The following CHST11 variants were observed in gnomAD, a reference collection of about 807,000 sequenced individuals.
CHST11 encodes the protein carbohydrate sulfotransferase 11.
A neutral mutation model predicts 30.4 loss-of-function variants in CHST11; 9 were observed. That is an observed-to-expected ratio of 0.30 (90% CI 0.18 to 0.52). CHST11 has a LOEUF of 0.52. CHST11 is among the 20% of genes least tolerant of loss of function. The pLI, the probability that CHST11 is intolerant of heterozygous loss-of-function variation, is 0.97. For missense variants in CHST11, 348 were observed against 460.6 expected, an observed-to-expected ratio of 0.76 and a Z score of 2.24; for synonymous variants, 152 against 187.8, an observed-to-expected ratio of 0.81 and a Z score of 1.56.
At chr12:104,519,662 A>AAG (rs1217426840) in intron 1 of CHST11, among the ~76,000 whole-genome samples, 6 of 152,198 alleles carry the variant, frequency 3.9e-5, no homozygotes, top group African/African-American at 1.4e-4. Flanking sequence ...GCCGGTTATT[A>AAG]TGGCCCTGCT....
intron 2 of CHST11, among the ~76,000 whole-genome samples, chr12:104,694,030 C>CT (rs1304021462): frequency 6.6e-6 from 1 of 152,160 alleles, no homozygotes; most frequent in Non-Finnish European, 1.5e-5. Context: ...GAAAATTATT[C>CT]TTAGCTCCAG....
At chr12:104,503,495 T>G (rs1460753893) in intron 1 of CHST11, among the ~76,000 whole-genome samples, 1 of 152,204 alleles carries the variant, frequency 6.6e-6, no homozygotes, top group Non-Finnish European at 1.5e-5. Flanking sequence ...GTGTGCATGT[T>G]TAGGAATAAA....
chr12:104,557,920 T>C (rs11112100), intron 1 of CHST11, among the ~76,000 whole-genome samples: 20,657 of 151,124 alleles, frequency 0.14, 1,483 homozygotes, highest in African/African-American at 0.16. Context: ...GAAGGAAGTA[T>C]AGAGGCAGGA....
chr12:104,462,680 A>G (rs766035162), intron 1 of CHST11, among the ~76,000 whole-genome samples: 5 of 152,234 alleles, frequency 3.3e-5, no homozygotes, highest in Non-Finnish European at 7.3e-5. Flanking sequence ...GAGGGTCTCA[A>G]ATATGAGACT....
chr12:104,721,316 A>G lies in CHST11; in HGVS notation c.205-35633A>G, dbSNP rs550584374. Among the ~76,000 whole-genome samples, 15 of 152,286 alleles carry G rather than the reference A, an allele frequency of 9.8e-5. No homozygotes were observed. In the South Asian group the frequency reaches 3.1e-3, roughly 32 times the overall value. ...CACAGATACAGACACACACAGCCAC[A>G]CACACACCAGAGCTACCTCAGAATG... On this transcript the variant is annotated intron_variant, in intron 2 of 2. Transcript: ENST00000303694.
At chr12:104,659,651 G>A (rs2039579323) in intron 2 of CHST11, among the ~76,000 whole-genome samples, 1 of 152,080 alleles carries the variant, frequency 6.6e-6, no homozygotes, top group Non-Finnish European at 1.5e-5. Flanking sequence ...GGTATGTTGG[G>A]TTAAATAAAG....
chr12:104,632,220 GTGA>G (rs1403202695), intron 2 of CHST11, among the ~76,000 whole-genome samples: 1 of 152,034 alleles, frequency 6.6e-6, no homozygotes, highest in African/African-American at 2.4e-5. Flanking sequence ...AGAATTGGGG[GTGA>G]TGATATGGGG....
At chr12:104,750,951 T>C (rs540428968) in intron 2 of CHST11, among the ~76,000 whole-genome samples, 1 of 152,224 alleles carries the variant, frequency 6.6e-6, no homozygotes, top group Admixed American at 6.5e-5. Context: ...AGCATTCTCT[T>C]GACCCCTACC....
chr12:104,644,883 C>G (rs1241630035), intron 2 of CHST11, among the ~76,000 whole-genome samples: 1 of 152,256 alleles, frequency 6.6e-6, no homozygotes, highest in South Asian at 2.1e-4. Context: ...TGTGCTGGAA[C>G]AGGCCCATGG....
chr12:104,559,657 C>T (rs1169566328), intron 1 of CHST11, among the ~76,000 whole-genome samples: 3 of 152,240 alleles, frequency 2.0e-5, no homozygotes, highest in Non-Finnish European at 2.9e-5. Context: ...GTGGGAGAAT[C>T]GCTTGAACCT....
intron 2 of CHST11, among the ~76,000 whole-genome samples, chr12:104,752,461 A>G (rs563653565): frequency 1.4e-4 from 22 of 152,172 alleles, no homozygotes; most frequent in Admixed American, 2.6e-4. Context: ...CAGCTCTATG[A>G]AAGAACTTTA....
chr12:104,586,269 A>G (rs1331032314), intron 1 of CHST11, among the ~76,000 whole-genome samples: 1 of 152,210 alleles, frequency 6.6e-6, no homozygotes, highest in Non-Finnish European at 1.5e-5. Context: ...GGGTAGGCTC[A>G]GGGTTTGCCC....
At chr12:104,590,973 G>A (rs1226070237) in intron 1 of CHST11, among the ~76,000 whole-genome samples, 1 of 151,764 alleles carries the variant, frequency 6.6e-6, no homozygotes, top group Non-Finnish European at 1.5e-5. Context: ...GAGAGAGGAA[G>A]TGAGGCCATG....
intron 2 of CHST11, among the ~76,000 whole-genome samples, chr12:104,747,471 T>G (rs1009271337): frequency 6.6e-6 from 1 of 152,200 alleles, no homozygotes; most frequent in East Asian, 1.9e-4. Flanking sequence ...TGTGACCCTT[T>G]TTTTGCTGTG....
intron 1 of CHST11, among the ~76,000 whole-genome samples, chr12:104,466,001 A>G (rs1307661323): frequency 6.6e-6 from 1 of 151,922 alleles, no homozygotes; most frequent in Non-Finnish European, 1.5e-5. Flanking sequence ...CTGGGATTAC[A>G]GGTGCCCGCC....
At chr12:104,483,167 C>T (rs969078828) in intron 1 of CHST11, among the ~76,000 whole-genome samples, 1 of 152,160 alleles carries the variant, frequency 6.6e-6, no homozygotes. Flanking sequence ...CATCCCAGTT[C>T]CTGAAGGCAG....
At chr12:104,673,511 A>G (rs938667002) in intron 2 of CHST11, among the ~76,000 whole-genome samples, 2 of 152,200 alleles carry the variant, frequency 1.3e-5, no homozygotes, top group Non-Finnish European at 2.9e-5. Flanking sequence ...GTACCTACCC[A>G]TAGGTTTGTT....
intron 2 of CHST11, among the ~76,000 whole-genome samples, chr12:104,626,787 G>C (rs1021080043): frequency 6.6e-6 from 1 of 151,588 alleles, no homozygotes; most frequent in Non-Finnish European, 1.5e-5. Flanking sequence ...AGACATGCAC[G>C]GCCTCCCCCG....
chr12:104,706,016 T>G (rs1592849724), intron 2 of CHST11, among the ~76,000 whole-genome samples: 2 of 151,284 alleles, frequency 1.3e-5, no homozygotes, highest in Non-Finnish European at 3.0e-5. Context: ...AGTGCAGAAG[T>G]TTGAGGTTGC....
Sources: gnomAD v4.1 joint callset for allele counts (sites outside exome capture counted in the v4.1 genomes callset) on GRCh38, gnomAD v4.1.1 for gene constraint, MANE v1.5 for transcripts, NCBI Gene and HGNC (gene_info 2026-07-23, HGNC 2026-07-21) for gene names.